The following LARGE1 variants were observed in gnomAD, a reference collection of about 807,000 sequenced individuals.
The protein encoded by LARGE1 is LARGE xylosyl- and glucuronyltransferase 1, also known as xylosyl- and glucuronyltransferase LARGE1.
A neutral mutation model predicts 87.6 loss-of-function variants in LARGE1; 43 were observed. The ratio of observed to expected loss-of-function variants is 0.49; its 90% CI spans 0.38 to 0.63. The LOEUF is 0.63. Among genes scored for constraint, LARGE1 ranks in the 30% least tolerant of loss-of-function variants. LARGE1 has a pLI of 0.00. For synonymous variants in LARGE1, 434 were observed against 394.6 expected (o/e 1.10, Z -1.18); for missense variants, 802 against 1,000.2 (o/e 0.80, Z 2.67).
chr22:33,696,620 T>C (rs2082261068), intron 2 of LARGE1, among the ~76,000 whole-genome samples: 1 of 152,134 alleles, frequency 6.6e-6, no homozygotes, highest in Admixed American at 6.6e-5. Flanking sequence ...ACCAGTAATG[T>C]GTGAGAGATA....
At chr22:33,507,860 G>A (rs988822147) in intron 6 of LARGE1, among the ~76,000 whole-genome samples, 1 of 152,102 alleles carries the variant, frequency 6.6e-6, no homozygotes, top group Non-Finnish European at 1.5e-5. Context: ...ACATACCTAG[G>A]GGGACTGTTG....
intron 5 of LARGE1, among the ~76,000 whole-genome samples, chr22:33,587,439 T>C (rs1029596084): frequency 2.6e-5 from 4 of 152,170 alleles, no homozygotes; most frequent in African/African-American, 9.6e-5. Context: ...GTAATAAAAA[T>C]TTTTAAAGAC....
At chr22:33,482,194 T>C (rs545201124) in intron 6 of LARGE1, among the ~76,000 whole-genome samples, 1 of 152,332 alleles carries the variant, frequency 6.6e-6, no homozygotes, top group Non-Finnish European at 1.5e-5. Context: ...GTCTTGGAAG[T>C]TGACTTGCAA....
intron 13 of LARGE1, 66 bp from the exon 14 acceptor site, chr22:33,277,321 T>C (rs1223403862): frequency 6.8e-6 from 10 of 1,475,890 alleles, no homozygotes; most frequent in East Asian, 2.3e-5. Context: ...ATGCAGCCGA[T>C]GTGGAGGAAG....
the LARGE1 span, among the ~76,000 whole-genome samples, chr22:33,088,114 C>G: frequency 6.0e-3 from 918 of 152,144 alleles, 5 homozygotes; most frequent in Non-Finnish European, 9.5e-3. Flanking sequence ...AACTTTACAT[C>G]TGAAACCCAG....
intron 11 of LARGE1, among the ~76,000 whole-genome samples, chr22:33,218,931 G>T (rs953999979): frequency 2.6e-5 from 4 of 152,214 alleles, no homozygotes; most frequent in African/African-American, 9.6e-5. Context: ...CCAAGTGGAA[G>T]TGATGTGTGT....
chr22:33,152,289 A>T, the LARGE1 span, among the ~76,000 whole-genome samples: 1 of 152,234 alleles, frequency 6.6e-6, no homozygotes, highest in Non-Finnish European at 1.5e-5. Context: ...GATTGAGCCC[A>T]GTGGCATGCT....
At chr22:33,412,239 G>A (rs1028732753) in intron 7 of LARGE1, among the ~76,000 whole-genome samples, 2 of 152,024 alleles carry the variant, frequency 1.3e-5, no homozygotes, top group African/African-American at 2.4e-5. Flanking sequence ...AGCCAAGATC[G>A]CACCATTGCA....
chr22:33,353,700 A>G (rs1017663300), intron 9 of LARGE1, among the ~76,000 whole-genome samples: 4 of 152,244 alleles, frequency 2.6e-5, no homozygotes, highest in African/African-American at 7.2e-5. Flanking sequence ...GCAGAGTTAT[A>G]CACTGAGCAG....
intron 6 of LARGE1, among the ~76,000 whole-genome samples, chr22:33,507,584 G>C (rs1488573300): frequency 2.0e-5 from 3 of 152,148 alleles, no homozygotes; most frequent in Non-Finnish European, 4.4e-5. Context: ...TATATTAATA[G>C]GTATAAAGCT....
intron 11 of LARGE1, among the ~76,000 whole-genome samples, chr22:33,209,508 C>T (rs1684027372): frequency 6.6e-6 from 1 of 152,160 alleles, no homozygotes; most frequent in Admixed American, 6.5e-5. Context: ...CCAAAAAATC[C>T]ATTGACTTTC....
At chr22:33,551,611 T>G (rs575215734) in intron 6 of LARGE1, among the ~76,000 whole-genome samples, 1 of 152,286 alleles carries the variant, frequency 6.6e-6, no homozygotes, top group African/African-American at 2.4e-5. Context: ...GTGGACTTTA[T>G]CTCCATAAAT....
At chr22:33,292,270 C>T (rs538878385) in intron 12 of LARGE1, among the ~76,000 whole-genome samples, 1 of 152,284 alleles carries the variant, frequency 6.6e-6, no homozygotes, top group South Asian at 2.1e-4. Context: ...TATAGCACCA[C>T]AAAACGAACT....
At chr22:33,521,204 A>C (rs543068617) in intron 6 of LARGE1, among the ~76,000 whole-genome samples, 16 of 152,384 alleles carry the variant, frequency 1.0e-4, no homozygotes, top group East Asian at 5.8e-4. Context: ...ACACTGTATC[A>C]GTCAGCATTG....
At chr22:33,743,336 T>A (rs1338154509) in intron 2 of LARGE1, 1 of 152,208 alleles carries the variant, frequency 6.6e-6, no homozygotes, top group East Asian at 1.9e-4. Context: ...GCTATCAATA[T>A]GTCCTGAACC....
At chr22:33,076,350 A>G in the LARGE1 span, among the ~76,000 whole-genome samples, 2 of 152,158 alleles carry the variant, frequency 1.3e-5, no homozygotes, top group African/African-American at 2.4e-5. Flanking sequence ...GGGATTTATT[A>G]TAAGTAGATT....
chr22:33,398,453 T>C lies in LARGE1; in HGVS notation c.893-14149A>G, dbSNP rs73405344. ...TCTATAGTCAATCTGTTTAAGCTCA[T>C]CTCAGCTTTCCTTAGTCTGTTTAGA... On this transcript the variant is annotated intron_variant, in intron 7 of 14. Transcript: ENST00000397394. Among the ~76,000 whole-genome samples the C allele has an allele frequency of 5.8e-3, 882 of 152,336 alleles. 3 individuals are homozygous for C. Among genetic ancestry groups the C allele is most frequent in the African/African-American group, 0.02 (837 of 41,582 alleles).
chr22:33,090,390 G>A, the LARGE1 span, among the ~76,000 whole-genome samples: 22,570 of 152,120 alleles, frequency 0.15, 2,176 homozygotes, highest in East Asian at 0.42. Context: ...GGGAGATGTG[G>A]GATTGGGTAA....
intron 2 of LARGE1, among the ~76,000 whole-genome samples, chr22:33,710,334 GA>G (rs1469673748): frequency 6.6e-6 from 1 of 152,174 alleles, no homozygotes; most frequent in Non-Finnish European, 1.5e-5. Context: ...GTGAATCAAA[GA>G]ATCAAATTAA....
Sources: allele counts gnomAD v4.1 joint callset (sites outside exome capture counted in the v4.1 genomes callset), GRCh38; gene constraint gnomAD v4.1.1; transcripts MANE v1.5; gene names NCBI Gene and HGNC (gene_info 2026-07-23, HGNC 2026-07-21).